The following PCBP3 variants were observed in gnomAD, a reference collection of about 807,000 sequenced individuals.
The protein encoded by PCBP3 is poly(rC) binding protein 3, also known as poly(rC)-binding protein 3.
Under a neutral mutation model 52.7 loss-of-function variants are expected in PCBP3, and 25 were observed. The observed-to-expected ratio is 0.47, with a 90% CI of 0.35 to 0.66. The LOEUF is 0.66. Among genes scored for constraint, PCBP3 ranks in the 30% least tolerant of loss-of-function variants. PCBP3 has a pLI of 0.01. For missense variants in PCBP3, 391 were observed against 490.3 expected, an observed-to-expected ratio of 0.80 and a Z score of 1.91; for synonymous variants, 162 against 183.0, an observed-to-expected ratio of 0.89 and a Z score of 0.93.
rs148966648 is a variant in PCBP3, at chr21:45,667,871, T to C, written c.-278-1003T>C. Among the ~76,000 whole-genome samples the C allele has an allele frequency of 1.8e-4, 28 of 152,344 alleles. No individual in the cohort carries two copies. The East Asian group carries it at 5.4e-3, about 29-fold the overall frequency. On this transcript the variant is annotated intron_variant, in intron 1 of 17. Transcript: ENST00000681687. ...TTATAGTAGTTTCTGTTCATTTGTT[T>C]ATGTAGTGACTTTCCTGAACTAACT...
chr21:45,920,714 T>TCA (rs2074322204), intron 13 of PCBP3, among the ~76,000 whole-genome samples: 2 of 152,120 alleles, frequency 1.3e-5, no homozygotes, highest in South Asian at 4.1e-4. Flanking sequence ...AACAGAAGCT[T>TCA]CAGAGAGTGG....
chr21:45,793,082 G>A (rs1569229473), intron 4 of PCBP3, among the ~76,000 whole-genome samples: 2 of 152,288 alleles, frequency 1.3e-5, no homozygotes, highest in South Asian at 2.1e-4. Context: ...ACCACAGCAC[G>A]CTGGAGGGAA....
At chr21:45,731,100 C>T (rs768242171) in intron 2 of PCBP3, among the ~76,000 whole-genome samples, 3 of 152,066 alleles carry the variant, frequency 2.0e-5, no homozygotes, top group Non-Finnish European at 4.4e-5. Flanking sequence ...TTATTAGAGT[C>T]CCCTTTTTTC....
intron 16 of PCBP3, among the ~76,000 whole-genome samples, chr21:45,939,390 A>G (rs1021005426): frequency 1.3e-5 from 2 of 152,248 alleles, no homozygotes; most frequent in Admixed American, 1.3e-4. Flanking sequence ...TTCAAGGAGC[A>G]CCCTCATTCT....
intron 5 of PCBP3, among the ~76,000 whole-genome samples, chr21:45,869,593 A>G (rs545311492): frequency 6.6e-6 from 1 of 152,144 alleles, no homozygotes. Context: ...TCATGCTGTC[A>G]ACATGCATGT....
At chr21:45,789,338 G>T (rs1041747689) in intron 4 of PCBP3, among the ~76,000 whole-genome samples, 1 of 152,246 alleles carries the variant, frequency 6.6e-6, no homozygotes, top group Non-Finnish European at 1.5e-5. Context: ...GAGTTCATGT[G>T]TGCATGAGTG....
rs189310647 is a variant in PCBP3, at chr21:45,752,055, A to G, written c.-161-3362A>G. On this transcript the variant is annotated intron_variant, in intron 3 of 17. Transcript: ENST00000681687. The stretch of plus-strand genomic sequence containing the variant: ...TCTTTTCCTGTGGAATATGCTGCAA[A>G]TATTTTCTTCCATTTAGTATTTCTG... Among the ~76,000 whole-genome samples the G allele has an allele frequency of 3.1e-4, 47 of 152,174 alleles. No individual in the cohort carries two copies. The East Asian group carries it at 7.1e-3, about 23-fold the overall frequency.
intron 2 of PCBP3, among the ~76,000 whole-genome samples, chr21:45,703,415 G>C (rs369944332): frequency 4.6e-5 from 7 of 152,204 alleles, no homozygotes; most frequent in African/African-American, 1.7e-4. Flanking sequence ...CGGTGTTAAC[G>C]GGCATGAAAA....
At chr21:45,809,263 C>T (rs529340013) in intron 4 of PCBP3, among the ~76,000 whole-genome samples, 18 of 152,236 alleles carry the variant, frequency 1.2e-4, no homozygotes, top group South Asian at 1.0e-3. Context: ...AAATATTGGA[C>T]GACTTATTGT....
At chr21:45,683,891 A>G in intron 2 of PCBP3, among the ~76,000 whole-genome samples, 1 of 151,474 alleles carries the variant, frequency 6.6e-6, no homozygotes. Flanking sequence ...GTGCCACTGC[A>G]CTCCAGCCTG....
In PCBP3 at chr21:45,876,773, G is replaced by T. The variant is rs73382531; in HGVS notation, c.11-19435G>T. On this transcript the variant is annotated intron_variant, in intron 5 of 17. Transcript: ENST00000681687. ...AGTAGGGGCTGCTGCCACCCACCCC[G>T]CACTGTGTTCCCTCCCACAGTCACA... 4.9e-3 allele frequency among the ~76,000 whole-genome samples: 750 copies of T among 152,342 alleles called. 7 individuals carry two copies. Among genetic ancestry groups the T allele is most frequent in the African/African-American group, 0.016 (668 of 41,576 alleles).
At chr21:45,708,988 G>C (rs1299828218) in intron 2 of PCBP3, among the ~76,000 whole-genome samples, 2 of 152,260 alleles carry the variant, frequency 1.3e-5, no homozygotes, top group Non-Finnish European at 2.9e-5. Context: ...TGGTAGATGT[G>C]ATTTCAAAGA....
intron 1 of PCBP3, among the ~76,000 whole-genome samples, chr21:45,645,215 C>T (rs940261231): frequency 1.4e-5 from 2 of 145,360 alleles, no homozygotes; most frequent in Non-Finnish European, 3.0e-5. Context: ...GACCGACTAA[C>T]TGATGTCTCA....
At chr21:45,786,459 T>G (rs2146253938) in intron 4 of PCBP3, among the ~76,000 whole-genome samples, 1 of 152,190 alleles carries the variant, frequency 6.6e-6, no homozygotes, top group East Asian at 1.9e-4. Context: ...CCTGGCTAAT[T>G]TTTGTATTTT....
chr21:45,656,947 G>A lies in PCBP3; in HGVS notation c.-278-11927G>A, dbSNP rs1183203942. 1.2e-4 allele frequency among the ~76,000 whole-genome samples: 18 copies of A among 152,072 alleles called. No homozygotes were observed. Among genetic ancestry groups the A allele is most frequent in the East Asian group, 3.9e-4 (2 of 5,170 alleles). Reference sequence around the variant, plus strand: ...TGCCATTCTCCTGCCTCAGCCTCCCGAGTAGCTGGGACTACAGGTGCCCGC... The same window carrying A: ...TGCCATTCTCCTGCCTCAGCCTCCCAAGTAGCTGGGACTACAGGTGCCCGC... On this transcript the variant is annotated intron_variant, in intron 1 of 17. Coordinates refer to ENST00000681687, the MANE Select transcript of PCBP3 (RefSeq NM_001384156.1). This position sits in a 1 kb window ranked among gnomAD's most constrained non-coding sequence, Gnocchi z 4.3.
chr21:45,769,719 C>T (rs964160212), intron 4 of PCBP3, among the ~76,000 whole-genome samples: 3 of 152,352 alleles, frequency 2.0e-5, no homozygotes, highest in African/African-American at 7.2e-5. Flanking sequence ...GCCAGGTCTT[C>T]ACTCTGGCTG....
At chr21:45,799,540 GA>G (rs1334079631) in intron 4 of PCBP3, among the ~76,000 whole-genome samples, 1 of 152,198 alleles carries the variant, frequency 6.6e-6, no homozygotes, top group East Asian at 1.9e-4. Flanking sequence ...TAGCCACTGA[GA>G]GTCTTGGAAC....
chr21:45,667,212 T>C (rs1277744969), intron 1 of PCBP3, among the ~76,000 whole-genome samples: 2 of 151,988 alleles, frequency 1.3e-5, no homozygotes, highest in Admixed American at 6.6e-5. Context: ...CTCACTATGT[T>C]GCCCAGGCTG....
intron 4 of PCBP3, among the ~76,000 whole-genome samples, chr21:45,843,922 A>T (rs2093750885): frequency 6.6e-6 from 1 of 152,010 alleles, no homozygotes; most frequent in Non-Finnish European, 1.5e-5. Flanking sequence ...CTGCATCTTT[A>T]TTACTTTTGT....
Sources: allele counts gnomAD v4.1 joint callset (sites outside exome capture counted in the v4.1 genomes callset), GRCh38; gene constraint gnomAD v4.1.1; non-coding constraint Gnocchi (gnomAD v3.1); transcripts MANE v1.5; gene names NCBI Gene and HGNC (gene_info 2026-07-23, HGNC 2026-07-21).